The following NCKAP5 variants were observed in gnomAD, a reference collection of about 807,000 sequenced individuals.
NCKAP5 encodes the protein nck-associated protein 5.
NCKAP5 carries 92 observed loss-of-function variants against 167.0 expected under a neutral mutation model. The observed-to-expected ratio is 0.55, with a 90% CI of 0.47 to 0.66. NCKAP5 has a LOEUF of 0.66. NCKAP5 is among the 30% of genes least tolerant of loss of function. The pLI is 0.00. For missense variants in NCKAP5, 2,378 were observed against 2,315.0 expected (o/e 1.03, Z -0.56); for synonymous variants, 891 against 877.4 (o/e 1.02, Z -0.27).
At chr2:133,077,828 G>C (rs1273681600) in intron 6 of NCKAP5, among the ~76,000 whole-genome samples, 1 of 152,122 alleles carries the variant, frequency 6.6e-6, no homozygotes, top group African/African-American at 2.4e-5. Context: ...ATGAAGCCTA[G>C]AGTACAGTGA....
intron 10 of NCKAP5, among the ~76,000 whole-genome samples, chr2:132,863,691 T>C (rs1169945694): frequency 6.6e-6 from 1 of 152,158 alleles, no homozygotes; most frequent in Non-Finnish European, 1.5e-5. Flanking sequence ...ACTGATCTGA[T>C]GGCCATTGAC....
intron 5 of NCKAP5, among the ~76,000 whole-genome samples, chr2:133,190,896 G>A (rs1195086887): frequency 1.3e-5 from 2 of 152,230 alleles, no homozygotes; most frequent in South Asian, 2.1e-4. Flanking sequence ...AAAAGCAATG[G>A]CAACAAAAGC....
At chr2:133,458,712 T>A (rs916429303) in intron 3 of NCKAP5, among the ~76,000 whole-genome samples, 5 of 152,022 alleles carry the variant, frequency 3.3e-5, no homozygotes, top group Non-Finnish European at 7.4e-5. Context: ...TTTTCCTGGA[T>A]GTTAACAGGA....
At chr2:133,475,227 A>G (rs1679775677) in intron 3 of NCKAP5, among the ~76,000 whole-genome samples, 2 of 152,228 alleles carry the variant, frequency 1.3e-5, no homozygotes, top group South Asian at 4.1e-4. Context: ...ATTCAGCCCA[A>G]GGCCCATAAG....
At chr2:133,532,470 AG>A (rs1402312102) in intron 2 of NCKAP5, among the ~76,000 whole-genome samples, 1 of 152,158 alleles carries the variant, frequency 6.6e-6, no homozygotes, top group Non-Finnish European at 1.5e-5. Flanking sequence ...CCATGTTAAA[AG>A]TTCTTGTTTT....
At chr2:133,275,614 A>T (rs748756443) in intron 4 of NCKAP5, among the ~76,000 whole-genome samples, 10 of 152,150 alleles carry the variant, frequency 6.6e-5, no homozygotes, top group Non-Finnish European at 1.3e-4. Context: ...CTGAAAAATG[A>T]CAGTGAAAAC....
intron 6 of NCKAP5, among the ~76,000 whole-genome samples, chr2:133,009,752 G>T (rs1459708963): frequency 6.6e-6 from 1 of 152,152 alleles, no homozygotes; most frequent in Non-Finnish European, 1.5e-5. Context: ...GATGCCAGGG[G>T]CATGAAGAGA....
intron 19 of NCKAP5, among the ~76,000 whole-genome samples, chr2:132,695,167 G>A (rs1472234062): frequency 6.6e-6 from 1 of 152,134 alleles, no homozygotes; most frequent in African/African-American, 2.4e-5. Context: ...CAATGGGGAT[G>A]AGGTTTCAAC....
chr2:132,976,459 G>C (rs11890359), intron 7 of NCKAP5, among the ~76,000 whole-genome samples: 7,586 of 151,598 alleles, frequency 0.05, 583 homozygotes, highest in African/African-American at 0.17. Context: ...AGCTACTCGG[G>C]AGGCTGAAGC....
intron 12 of NCKAP5, among the ~76,000 whole-genome samples, chr2:132,794,594 C>T (rs1684420538): frequency 6.6e-6 from 1 of 151,024 alleles, no homozygotes; most frequent in South Asian, 2.1e-4. Flanking sequence ...CGAGATCATG[C>T]CACTGTACTC....
chr2:133,236,070 C>CAAA lies in NCKAP5; in HGVS notation c.144-22294_144-22292dup, dbSNP rs527705526. Among the ~76,000 whole-genome samples, 110 of 15,678 alleles carry CAAA rather than the reference C, an allele frequency of 7.0e-3. 24 individuals are homozygous for CAAA. Among genetic ancestry groups the CAAA allele is most frequent in the East Asian group, 0.038 (11 of 290 alleles). The allele number at this position is 15,678 out of a possible 152,430, so 10.3% of individuals were successfully genotyped here. ...GACAAATCAAGACCCTGTCTCAGAC[C>CAAA]AAAAAAAAAAAAAAAAAAAAAAAAA... On this transcript the variant is annotated intron_variant, in intron 4 of 19. Transcript: ENST00000409261.
At chr2:133,473,411 C>T (rs1218470893) in intron 3 of NCKAP5, among the ~76,000 whole-genome samples, 1 of 152,184 alleles carries the variant, frequency 6.6e-6, no homozygotes, top group Non-Finnish European at 1.5e-5. Context: ...TCAGAATAAC[C>T]TAGAGGACTT....
intron 10 of NCKAP5, among the ~76,000 whole-genome samples, chr2:132,862,765 CA>C (rs745328010): frequency 4.0e-3 from 323 of 81,162 alleles, no homozygotes; most frequent in African/African-American, 0.014. Flanking sequence ...AACCCAGTCT[CA>C]AAAAAAAAAA....
Position 133,513,969 on chromosome 2 carries a change from G to A in NCKAP5, c.69+3489C>T, listed in dbSNP as rs568718079. On this transcript the variant is annotated intron_variant, in intron 3 of 19. Transcript: ENST00000409261. ...TGTCAAACAGCTACATGGGCAGCCCGGGAATGAGTCTTGCAAATAAAAGAG... is the reference window on the plus strand; with the variant it reads ...TGTCAAACAGCTACATGGGCAGCCCAGGAATGAGTCTTGCAAATAAAAGAG... 3.9e-4 allele frequency among the ~76,000 whole-genome samples: 59 copies of A among 152,270 alleles called. 1 individual carries two copies. Among genetic ancestry groups the A allele is most frequent in the African/African-American group, 1.3e-3 (54 of 41,544 alleles).
chr2:133,145,473 G>C (rs1167481126), intron 5 of NCKAP5, among the ~76,000 whole-genome samples: 1 of 151,960 alleles, frequency 6.6e-6, no homozygotes, highest in Non-Finnish European at 1.5e-5. Flanking sequence ...AAACTTGCAT[G>C]TTCTGCACAT....
At chr2:132,983,587 C>T (rs1383721235) in intron 7 of NCKAP5, among the ~76,000 whole-genome samples, 1 of 152,160 alleles carries the variant, frequency 6.6e-6, no homozygotes. Flanking sequence ...TCTACAATTT[C>T]CCTTTCATCA....
chr2:132,760,196 T>A (rs1462657509), intron 16 of NCKAP5, among the ~76,000 whole-genome samples: 1 of 152,170 alleles, frequency 6.6e-6, no homozygotes, highest in East Asian at 1.9e-4. Flanking sequence ...CTTTCTCTAC[T>A]TAACAGTTCT....
chr2:133,166,576 C>T (rs1382815013), intron 5 of NCKAP5, among the ~76,000 whole-genome samples: 2 of 152,068 alleles, frequency 1.3e-5, no homozygotes, highest in Admixed American at 6.5e-5. Context: ...CCAGCTTTTC[C>T]TACCTTAAAT....
chr2:133,654,520 CA>C, the NCKAP5 span, among the ~76,000 whole-genome samples: 1 of 152,240 alleles, frequency 6.6e-6, no homozygotes, highest in South Asian at 2.1e-4. Flanking sequence ...TGCTTTGCAC[CA>C]AAGGCTCCAC....
Sources: allele counts gnomAD v4.1 joint callset (sites outside exome capture counted in the v4.1 genomes callset), GRCh38; gene constraint gnomAD v4.1.1; transcripts MANE v1.5; gene names NCBI Gene and HGNC (gene_info 2026-07-23, HGNC 2026-07-21).